CEP128: variants seen among roughly 807,000 people sequenced by gnomAD.
CEP128 encodes the protein centrosomal protein 128kDa.
In CEP128, 132 loss-of-function variants were observed where a neutral mutation model predicts 156.7. That is an observed-to-expected ratio of 0.84 (90% CI 0.73 to 0.97). The LOEUF (loss-of-function observed/expected upper bound fraction) is 0.97. Ranked by LOEUF, CEP128 falls within the 50% of genes least tolerant of loss-of-function variation. The pLI, the probability that CEP128 is intolerant of heterozygous loss-of-function variation, is 0.00. For synonymous variants in CEP128, 469 were observed against 448.9 expected (o/e 1.04, Z -0.57); for missense variants, 1,252 against 1,281.9 (o/e 0.98, Z 0.36).
intron 13 of CEP128, chr14:80,822,704 G>C (rs1391745273): frequency 1.2e-6 from 1 of 844,934 alleles, no homozygotes; most frequent in African/African-American, 1.7e-5. Flanking sequence ...GGGAAAAGCT[G>C]ATGCTGGCAA....
chr14:80,697,562 A>G (rs1026808151), intron 19 of CEP128, among the ~76,000 whole-genome samples: 1 of 152,072 alleles, frequency 6.6e-6, no homozygotes, highest in African/African-American at 2.4e-5. Context: ...AGGCATAGCA[A>G]TTTCTTTATT....
chr14:80,745,623 T>C (rs150921388), intron 18 of CEP128, among the ~76,000 whole-genome samples: 95 of 152,202 alleles, frequency 6.2e-4, no homozygotes, highest in South Asian at 2.5e-3. Flanking sequence ...TTTTAAAATA[T>C]CTATGGAAAA....
chr14:80,910,181 G>T (rs376589214), intron 4 of CEP128, among the ~76,000 whole-genome samples: 1 of 152,108 alleles, frequency 6.6e-6, no homozygotes, highest in Non-Finnish European at 1.5e-5. Context: ...TAAAGATTAG[G>T]TCTATTCTTT....
intron 19 of CEP128, among the ~76,000 whole-genome samples, chr14:80,643,958 G>C (rs1339269794): frequency 6.6e-6 from 1 of 152,180 alleles, no homozygotes; most frequent in Non-Finnish European, 1.5e-5. Flanking sequence ...AATCAGCCTA[G>C]ATGTAGGGTG....
At chr14:80,547,804 T>C (rs1031633175) in intron 21 of CEP128, among the ~76,000 whole-genome samples, 22 of 151,846 alleles carry the variant, frequency 1.4e-4, no homozygotes, top group Non-Finnish European at 1.5e-5. Context: ...GGAATTTTTT[T>C]TTTTTTTTTT....
chr14:80,866,040 A>G (rs1887752432), intron 8 of CEP128, among the ~76,000 whole-genome samples: 1 of 152,142 alleles, frequency 6.6e-6, no homozygotes, highest in Non-Finnish European at 1.5e-5. Context: ...CTAATTGTAC[A>G]TACCCAGACA....
chr14:80,622,609 C>A (rs1423740244), intron 19 of CEP128, among the ~76,000 whole-genome samples: 1 of 150,102 alleles, frequency 6.7e-6, no homozygotes, highest in Non-Finnish European at 1.5e-5. Context: ...AACAAATTTA[C>A]AAGAAAAAAA....
At chr14:80,884,449 T>C (rs769135489) in intron 8 of CEP128, among the ~76,000 whole-genome samples, 2 of 152,128 alleles carry the variant, frequency 1.3e-5, no homozygotes, top group African/African-American at 2.4e-5. Flanking sequence ...CATTTCCAAC[T>C]GAGGTATCAA....
intron 19 of CEP128, among the ~76,000 whole-genome samples, chr14:80,600,588 G>A (rs1892538600): frequency 1.3e-5 from 2 of 152,100 alleles, no homozygotes; most frequent in Non-Finnish European, 2.9e-5. Flanking sequence ...TGAAATGAAA[G>A]TACAGTAGAC....
At chr14:80,669,017 C>A (rs1283660830) in intron 19 of CEP128, among the ~76,000 whole-genome samples, 2 of 152,166 alleles carry the variant, frequency 1.3e-5, no homozygotes, top group African/African-American at 2.4e-5. Flanking sequence ...AACCTCTTTT[C>A]TTTATAAATT....
intron 19 of CEP128, among the ~76,000 whole-genome samples, chr14:80,580,928 G>T (rs1414300943): frequency 6.6e-6 from 1 of 152,080 alleles, no homozygotes. Context: ...ACTGGAAGTG[G>T]AACACCACCT....
chr14:80,550,689 T>C (rs1890174773), intron 21 of CEP128, among the ~76,000 whole-genome samples: 1 of 151,494 alleles, frequency 6.6e-6, no homozygotes, highest in Non-Finnish European at 1.5e-5. Context: ...TCGAGAAAAA[T>C]TGGTTTTTAA....
intron 21 of CEP128, among the ~76,000 whole-genome samples, chr14:80,543,937 C>G (rs1354419846): frequency 6.6e-6 from 1 of 152,172 alleles, no homozygotes; most frequent in Non-Finnish European, 1.5e-5. Flanking sequence ...ACTTTGGACA[C>G]TTCGAGTGTG....
chr14:80,484,361 G>A (rs908607311), intron 14 of CEP128, among the ~76,000 whole-genome samples: 4 of 152,150 alleles, frequency 2.6e-5, no homozygotes, highest in African/African-American at 9.7e-5. Flanking sequence ...ATATCAAAGT[G>A]GTGATGATTT....
intron 16 of CEP128, among the ~76,000 whole-genome samples, chr14:80,761,857 T>C (rs1404801020): frequency 6.6e-6 from 1 of 151,898 alleles, no homozygotes; most frequent in African/African-American, 2.4e-5. Context: ...TTATAATAAG[T>C]CCCTAACCAA....
At chr14:80,950,729 G>A (rs1183160669) in intron 2 of CEP128, among the ~76,000 whole-genome samples, 1 of 152,070 alleles carries the variant, frequency 6.6e-6, no homozygotes, top group African/African-American at 2.4e-5. Context: ...AATCATAGAT[G>A]CAGAAATGGA....
intron 20 of CEP128, 71 bp from the exon 21 acceptor site, chr14:80,559,373 A>G: frequency 8.1e-7 from 1 of 1,241,026 alleles, no homozygotes; most frequent in South Asian, 1.4e-5. Flanking sequence ...TACTTAATTT[A>G]CAAGTATTCT....
chr14:80,688,344 G>C (rs534824390), intron 19 of CEP128, among the ~76,000 whole-genome samples: 1 of 152,132 alleles, frequency 6.6e-6, no homozygotes, highest in Non-Finnish European at 1.5e-5. Flanking sequence ...TTAACGCTCT[G>C]CTCCCTGCTG....
At chr14:80,539,054 A>G (rs1338609735) in intron 21 of CEP128, among the ~76,000 whole-genome samples, 1 of 152,258 alleles carries the variant, frequency 6.6e-6, no homozygotes, top group African/African-American at 2.4e-5. Flanking sequence ...ATGAATGAAT[A>G]CTATTTGATG....
Sources: allele counts gnomAD v4.1 joint callset (sites outside exome capture counted in the v4.1 genomes callset), GRCh38; gene constraint gnomAD v4.1.1; transcripts MANE v1.5; gene names NCBI Gene and HGNC (gene_info 2026-07-23, HGNC 2026-07-21).